SIK3: variants seen among roughly 807,000 people sequenced by gnomAD.
SIK3 encodes SIK family kinase 3, also known as serine/threonine-protein kinase SIK3.
In SIK3, 28 loss-of-function variants were observed where a neutral mutation model predicts 144.2. The observed-to-expected ratio is 0.19, with a 90% CI of 0.14 to 0.27. The LOEUF (loss-of-function observed/expected upper bound fraction) is 0.27, where lower values mean the gene tolerates loss of function less well. Ranked by LOEUF, SIK3 falls within the 10% of genes least tolerant of loss-of-function variation. The probability of loss-of-function intolerance (pLI) is 1.00; values close to 1 mark genes in which losing one functional copy is unlikely to be tolerated. For missense variants in SIK3, 1,319 were observed against 1,776.0 expected (o/e 0.74, Z 4.62); for synonymous variants, 686 against 676.3 (o/e 1.01, Z -0.22).
rs1163171454 is a variant in SIK3, at chr11:116,844,635, T to TATATTATATAATATATATATAATATA, written c.*1007_*1008insTATATTATATATATATTATATAATAT. 2 of 9,730 alleles carry TATATTATATAATATATATATAATATA rather than the reference T, an allele frequency of 2.1e-4. No homozygotes were observed. The highest frequency in any genetic ancestry group is 9.7e-4 in the African/African-American group (1 of 1,030). The allele number at this position is 9,730 out of a possible 1,614,324, so 0.6% of individuals were successfully genotyped here. Reference sequence around the variant, plus strand: ...ATATATATAATATATATATAATATATTATATTATATATTATATATATAATA... The same window carrying TATATTATATAATATATATATAATATA: ...ATATATATAATATATATATAATATATATATTATATAATATATATATAATATATATATTATATATTATATATATAATA... On this transcript the variant is annotated 3_prime_UTR_variant, in exon 25 of 25. Transcript: ENST00000445177.
At chr11:117,071,926 G>GTGTT (rs36145559) in intron 1 of SIK3, among the ~76,000 whole-genome samples, 68,330 of 150,528 alleles carry the variant, frequency 0.45, 18,815 homozygotes, top group Non-Finnish European at 0.64. Context: ...GCCAAGAGTT[G>GTGTT]TGTTTGTTTG....
chr11:116,874,674 G>A (rs750851001), intron 11 of SIK3, among the ~76,000 whole-genome samples: 6 of 152,210 alleles, frequency 3.9e-5, no homozygotes, highest in Non-Finnish European at 7.3e-5. Context: ...CACATCAGCA[G>A]GCATGGGAGT....
At chr11:117,077,788 C>T (rs554241129) in intron 1 of SIK3, among the ~76,000 whole-genome samples, 5 of 152,236 alleles carry the variant, frequency 3.3e-5, no homozygotes, top group East Asian at 3.9e-4. Context: ...AGGGAAGAAC[C>T]CCTGTAAGTC....
chr11:116,964,718 T>C (rs1949463297), intron 1 of SIK3, among the ~76,000 whole-genome samples: 1 of 152,050 alleles, frequency 6.6e-6, no homozygotes, highest in Non-Finnish European at 1.5e-5. Context: ...CCACCTCTAC[T>C]AAAAATACAA....
intron 6 of SIK3, among the ~76,000 whole-genome samples, chr11:116,885,874 C>T (rs1471044042): frequency 1.3e-5 from 2 of 152,156 alleles, no homozygotes; most frequent in Non-Finnish European, 2.9e-5. Context: ...TATCAAATAA[C>T]CTCTCATACA....
At chr11:116,852,466 G>C (rs1054823129) in intron 21 of SIK3, among the ~76,000 whole-genome samples, 1 of 152,222 alleles carries the variant, frequency 6.6e-6, no homozygotes. Context: ...TCTGGGGTCA[G>C]GAAGAGTTGG....
intron 6 of SIK3, 65 bp downstream of exon 6, chr11:116,896,188 G>T: frequency 6.3e-7 from 1 of 1,589,526 alleles, no homozygotes; most frequent in African/African-American, 1.3e-5. Context: ...CTAAATTCCT[G>T]GGATAACTGA....
In SIK3 at chr11:117,067,072, A is replaced by G. The variant is rs946158318; in HGVS notation, c.273+31071T>C. On this transcript the variant is annotated intron_variant, in intron 1 of 24. Coordinates refer to ENST00000445177, the MANE Select transcript of SIK3 (RefSeq NM_001366686.3). ...GAACTCTCCTATCTCATATATTGCT[A>G]AAGAGAATATAAAATGGTACGGCAA... Among the ~76,000 whole-genome samples the G allele has an allele frequency of 3.3e-5, 5 of 152,212 alleles. No individual in the cohort carries two copies. The South Asian group carries it at 6.2e-4, about 19-fold the overall frequency.
Position 117,063,931 on chromosome 11 carries a change from A to G in SIK3, c.273+34212T>C, listed in dbSNP as rs1387994390. Among the ~76,000 whole-genome samples the G allele has an allele frequency of 2.6e-5, 4 of 152,176 alleles. No homozygotes were observed. In the South Asian group the frequency reaches 6.2e-4, roughly 24 times the overall value. ...AACCTTGTTGGTAATGTTAATACCA[A>G]TAAGTACAAATTGCACGCTCCATAT... is the stretch of plus-strand genomic sequence containing the variant. On this transcript the variant is annotated intron_variant, in intron 1 of 24. Transcript: ENST00000445177.
intron 3 of SIK3, among the ~76,000 whole-genome samples, chr11:116,951,255 T>C (rs1191418322): frequency 6.6e-6 from 1 of 152,168 alleles, no homozygotes. Flanking sequence ...ACTAAGCCCC[T>C]TTCATCTTTT....
chr11:117,014,153 GTTCT>G (rs1951419885), intron 1 of SIK3, among the ~76,000 whole-genome samples: 1 of 150,602 alleles, frequency 6.6e-6, no homozygotes, highest in Admixed American at 6.6e-5. Flanking sequence ...TCCAGTCAGT[GTTCT>G]TTCTATTACA....
Position 116,964,897 on chromosome 11 carries a change from T to C in SIK3, c.274-7833A>G, listed in dbSNP as rs1341564094. 2.0e-5 allele frequency among the ~76,000 whole-genome samples: 3 copies of C among 151,524 alleles called. No homozygotes were observed. The East Asian group carries it at 5.8e-4, about 29-fold the overall frequency. On this transcript the variant is annotated intron_variant, in intron 1 of 24. Coordinates refer to ENST00000445177, the MANE Select transcript of SIK3 (RefSeq NM_001366686.3). ...AACTCCATCTCAAAAATAATAATAA[T>C]AATAATAATAAAATACAATAAAATG...
chr11:116,956,909 G>A, intron 2 of SIK3, 39 bp downstream of exon 2: 1 of 1,280,124 alleles, frequency 7.8e-7, no homozygotes, highest in East Asian at 2.5e-5. Flanking sequence ...CAATATTCTG[G>A]GTTCTTTGCA....
intron 6 of SIK3, among the ~76,000 whole-genome samples, chr11:116,893,170 T>A (rs555549961): frequency 1.3e-5 from 2 of 152,116 alleles, no homozygotes; most frequent in Non-Finnish European, 2.9e-5. Context: ...ACAGAATGTG[T>A]AACACTGAGA....
intron 6 of SIK3, among the ~76,000 whole-genome samples, chr11:116,889,769 C>T (rs117709132): frequency 0.03 from 4,531 of 152,012 alleles, 102 homozygotes; most frequent in Middle Eastern, 0.085. Context: ...TGGTGGCGTG[C>T]GCCTGTAGAC....
At chr11:117,040,466 G>A (rs548785090) in intron 1 of SIK3, among the ~76,000 whole-genome samples, 23 of 152,236 alleles carry the variant, frequency 1.5e-4, no homozygotes, top group Non-Finnish European at 2.4e-4. Flanking sequence ...TCTGAAGCTC[G>A]AAATCTAAGA....
In SIK3 at chr11:116,909,406, G is replaced by T. The variant is rs568119211; in HGVS notation, c.617-12089C>A. On this transcript the variant is annotated intron_variant, in intron 4 of 24. Transcript: ENST00000445177. ...TTTTTTTCTCTTGGGGGAAGGATAT[G>T]GTTGTGATGAGGTGTACAGCCTGGC... is the stretch of plus-strand genomic sequence containing the variant. Among the ~76,000 whole-genome samples the T allele has an allele frequency of 3.9e-5, 6 of 152,042 alleles. No homozygotes were observed. In the South Asian group the frequency reaches 6.2e-4, roughly 16 times the overall value.
intron 1 of SIK3, among the ~76,000 whole-genome samples, chr11:116,966,002 A>G (rs927921079): frequency 6.6e-6 from 1 of 151,636 alleles, no homozygotes; most frequent in Non-Finnish European, 1.5e-5. Context: ...AACAGGAAAC[A>G]CTCTGAATAG....
At chr11:117,003,496 T>C (rs964122152) in intron 1 of SIK3, among the ~76,000 whole-genome samples, 2 of 151,650 alleles carry the variant, frequency 1.3e-5, no homozygotes, top group Non-Finnish European at 2.9e-5. Flanking sequence ...AAAAAAAAAA[T>C]ATATTCAATG....
Sources: allele counts gnomAD v4.1 joint callset (sites outside exome capture counted in the v4.1 genomes callset), GRCh38; gene constraint gnomAD v4.1.1; transcripts MANE v1.5; gene names NCBI Gene and HGNC (gene_info 2026-07-23, HGNC 2026-07-21).